Variants in RBM4 observed in about 807,000 individuals in gnomAD.
The protein encoded by RBM4 is RNA-binding protein 4.
A neutral mutation model predicts 29.5 loss-of-function variants in RBM4; 7 were observed. The ratio of observed to expected loss-of-function variants is 0.24; its 90% CI spans 0.14 to 0.45. RBM4 has a LOEUF of 0.45. Ranked by LOEUF, RBM4 falls within the 20% of genes least tolerant of loss-of-function variation. RBM4 has a pLI of 1.00. For synonymous variants in RBM4, 220 were observed against 205.4 expected (o/e 1.07, Z -0.61); for missense variants, 387 against 502.3 (o/e 0.77, Z 2.19).
chr11:66,648,906 T>C (rs79945176), downstream of RBM4, among the ~76,000 whole-genome samples: 1,144 of 151,376 alleles, frequency 7.6e-3, 13 homozygotes, highest in African/African-American at 0.026. Flanking sequence ...TAACAGACAA[T>C]GTAAGAGTAG....
chr11:66,641,201 T>C (rs1938446132), intron 2 of RBM4: 1 of 152,226 alleles, frequency 6.6e-6, no homozygotes, highest in African/African-American at 2.4e-5. Context: ...TATGGAGTAT[T>C]TCCGTGACTC....
chr11:66,644,283 G>C (rs549583738), intron 3 of RBM4, 143 bp downstream of exon 3: 3 of 1,179,154 alleles, frequency 2.5e-6, no homozygotes, highest in Middle Eastern at 2.9e-4. Flanking sequence ...CTAGAGAGAA[G>C]TCCTAACTGC....
intron 2 of RBM4, among the ~76,000 whole-genome samples, chr11:66,662,237 C>A (rs1267866755): frequency 6.6e-6 from 1 of 152,086 alleles, no homozygotes; most frequent in African/African-American, 2.4e-5. Context: ...GTGGAATAAA[C>A]CACATTTCAG....
exon 3 of RBM4, chr11:66,666,230 C>T: frequency 1.1e-6 from 1 of 936,640 alleles, no homozygotes; most frequent in Non-Finnish European, 1.4e-6. Flanking sequence ...ATGATGGGAA[C>T]TCCAGACACC....
At chr11:66,641,699 C>T (rs1938471999) in intron 2 of RBM4, among the ~76,000 whole-genome samples, 1 of 152,100 alleles carries the variant, frequency 6.6e-6, no homozygotes. Flanking sequence ...CTAACCTATG[C>T]TTAGTTATTT....
At chr11:66,641,774 T>C (rs1938474721) in intron 2 of RBM4, among the ~76,000 whole-genome samples, 1 of 152,236 alleles carries the variant, frequency 6.6e-6, no homozygotes, top group African/African-American at 2.4e-5. Context: ...GAATTATAGA[T>C]GTATATTGAT....
At chr11:66,640,512 G>T (rs996127517) in intron 2 of RBM4, 1 of 393,016 alleles carries the variant, frequency 2.5e-6, no homozygotes, top group Non-Finnish European at 4.5e-6. Context: ...TGCATTTTAC[G>T]TGAAGAACCT....
intron 2 of RBM4, among the ~76,000 whole-genome samples, chr11:66,654,878 C>T (rs1424001510): frequency 6.6e-6 from 1 of 150,754 alleles, no homozygotes; most frequent in Non-Finnish European, 1.5e-5. Context: ...AGGCTGGAGT[C>T]CAGTGGCGCC....
At chr11:66,661,331 A>G (rs927484140) in intron 2 of RBM4, among the ~76,000 whole-genome samples, 3 of 152,096 alleles carry the variant, frequency 2.0e-5, no homozygotes, top group Non-Finnish European at 2.9e-5. Flanking sequence ...CTTCCTGAGG[A>G]CCAGGTTTGT....
chr11:66,664,747 G>A (rs1457246665), intron 2 of RBM4, among the ~76,000 whole-genome samples: 4 of 152,180 alleles, frequency 2.6e-5, no homozygotes, highest in Non-Finnish European at 4.4e-5. Flanking sequence ...GAGCCATCAC[G>A]CCCAGCTGGC....
intron 2 of RBM4, among the ~76,000 whole-genome samples, chr11:66,657,409 G>A (rs949492051): frequency 7.9e-5 from 12 of 151,898 alleles, no homozygotes; most frequent in Admixed American, 1.3e-4. Flanking sequence ...TAGGCCGGGC[G>A]CGGTGGCTCA....
downstream of RBM4, among the ~76,000 whole-genome samples, chr11:66,650,902 C>A (rs574331678): frequency 1.3e-5 from 2 of 151,786 alleles, no homozygotes; most frequent in African/African-American, 4.8e-5. Flanking sequence ...AAAAATGAGC[C>A]GGTCATGCTA....
At chr11:66,639,485 C>T (rs1280769305) in intron 1 of RBM4, 11 of 626,578 alleles carry the variant, frequency 1.8e-5, no homozygotes, top group East Asian at 8.4e-5. Context: ...TAAGGACCTC[C>T]CTATTGCAGA....
At chr11:66,665,716 A>G in intron 2 of RBM4, 1 of 1,419,164 alleles carries the variant, frequency 7.0e-7, no homozygotes, top group Non-Finnish European at 9.5e-7. Context: ...ACTGGATCTA[A>G]CTCATATCCC....
chr11:66,661,181 G>A (rs906098698), intron 2 of RBM4, among the ~76,000 whole-genome samples: 3 of 152,160 alleles, frequency 2.0e-5, no homozygotes, highest in Non-Finnish European at 2.9e-5. Flanking sequence ...ATCATTTCTT[G>A]CATTTCATTT....
chr11:66,649,386 A>G (rs1307057715), downstream of RBM4, among the ~76,000 whole-genome samples: 1 of 152,190 alleles, frequency 6.6e-6, no homozygotes, highest in Non-Finnish European at 1.5e-5. Flanking sequence ...TTTCTAAGAC[A>G]ATTTTAAAGT....
rs772441084 is a variant in RBM4 at position 66,644,053 on chromosome 11, C to T, written c.1016C>T (p.Ala339Val). 1 of 1,614,006 alleles carries T rather than the reference C, an allele frequency of 6.2e-7. No individual in the cohort carries two copies. The highest frequency in any genetic ancestry group is 1.1e-5 in the South Asian group (1 of 91,078). ...HESELSQASA[A>V]ARNSLYDMAR... Reference sequence around the variant, plus strand: ...AGTGAGTTGTCCCAAGCTTCAGCAGCCGCGCGGAATTCTCTGTACGACATG... The same window carrying T: ...AGTGAGTTGTCCCAAGCTTCAGCAGTCGCGCGGAATTCTCTGTACGACATG... Residue 339 changes from alanine (A) to valine (V), a missense_variant, in exon 3 of 4, where the codon GCC becomes GTC. Ala to Val is a moderately conservative substitution (Grantham distance 64, BLOSUM62 0). This residue lies in a region of RBM4 where 281 missense variants were observed against 288.7 expected (regional missense o/e 0.97). Coordinates refer to ENST00000310092, the MANE Select transcript of RBM4 (RefSeq NM_002896.4).
rs916303103 is a variant in RBM4 at position 66,643,343 on chromosome 11, G to A, written c.413-107G>A. 1.5e-4 allele frequency: 207 copies of A among 1,349,576 alleles called. 1 individual carries two copies. Among genetic ancestry groups the A allele is most frequent in the Middle Eastern group, 1.5e-3 (8 of 5,272 alleles). 83.6% of individuals were successfully genotyped at this position (1,349,576 alleles called of 1,614,324 possible). A position where few individuals can be genotyped will look rare whatever the true frequency, so the allele number is the denominator to read the frequency against. The stretch of plus-strand genomic sequence containing the variant: ...TTATCTTTTCCTAAAGATGAGTCCT[G>A]CATTAGAATTGTCTAGATAAAGCCA... On this transcript the variant is annotated intron_variant, in intron 2 of 3. Coordinates refer to ENST00000310092, the MANE Select transcript of RBM4 (RefSeq NM_002896.4). The surrounding 1 kb of genome is among the most constrained non-coding windows in gnomAD (Gnocchi z 6.1).
chr11:66,645,887 A>T, intron 3 of RBM4, 140 bp from the exon 4 acceptor site: 1 of 1,427,042 alleles, frequency 7.0e-7, no homozygotes, highest in Non-Finnish European at 9.4e-7. Context: ...GTTAGAGATT[A>T]CTGTGATACT....
Sources: allele counts gnomAD v4.1 joint callset (sites outside exome capture counted in the v4.1 genomes callset), GRCh38; gene constraint gnomAD v4.1.1; regional missense constraint gnomAD v4.1.1; non-coding constraint Gnocchi (gnomAD v3.1); transcripts MANE v1.5; gene names NCBI Gene and HGNC (gene_info 2026-07-23, HGNC 2026-07-21).